The following INPP4B variants were observed in gnomAD, a reference collection of about 807,000 sequenced individuals.
INPP4B encodes inositol polyphosphate 4-phosphatase type II.
Under a neutral mutation model 122.5 loss-of-function variants are expected in INPP4B, and 55 were observed. The observed-to-expected ratio is 0.45, with a 90% CI of 0.36 to 0.56. The LOEUF (loss-of-function observed/expected upper bound fraction) is 0.56, where lower values mean the gene tolerates loss of function less well. INPP4B is among the 20% of genes least tolerant of loss of function. The pLI is 0.00. For synonymous variants in INPP4B, 403 were observed against 388.7 expected (o/e 1.04, Z -0.43); for missense variants, 1,000 against 1,097.7 (o/e 0.91, Z 1.26).
intron 2 of INPP4B, among the ~76,000 whole-genome samples, chr4:142,568,313 T>A (rs1732087728): frequency 1.3e-5 from 2 of 151,932 alleles, no homozygotes; most frequent in South Asian, 4.2e-4. Flanking sequence ...ACTTCATCAC[T>A]TCTGGTAACT....
intron 2 of INPP4B, among the ~76,000 whole-genome samples, chr4:142,721,593 C>T (rs190780513): frequency 2.0e-3 from 304 of 152,164 alleles, no homozygotes; most frequent in African/African-American, 6.9e-3. Flanking sequence ...GAGGCCGAGG[C>T]GGGTGGATCA....
intron 10 of INPP4B, among the ~76,000 whole-genome samples, chr4:142,265,048 G>C (rs1241925326): frequency 1.3e-5 from 2 of 151,674 alleles, no homozygotes; most frequent in African/African-American, 4.9e-5. Context: ...GACCATCTGA[G>C]AAGGTAGCAA....
intron 1 of INPP4B, among the ~76,000 whole-genome samples, chr4:142,729,905 C>T (rs535495302): frequency 7.6e-4 from 116 of 152,298 alleles, no homozygotes; most frequent in African/African-American, 2.6e-3. Context: ...CTTTACTTTG[C>T]TGTACCATAA....
At chr4:142,044,357 A>G (rs977594207) in intron 25 of INPP4B, among the ~76,000 whole-genome samples, 17 of 152,138 alleles carry the variant, frequency 1.1e-4, no homozygotes, top group African/African-American at 3.9e-4. Flanking sequence ...GGCAGATAGT[A>G]AGGAGTGACA....
At chr4:142,564,878 C>T (rs1000122031) in intron 2 of INPP4B, among the ~76,000 whole-genome samples, 1 of 152,024 alleles carries the variant, frequency 6.6e-6, no homozygotes, top group African/African-American at 2.4e-5. Context: ...TTTCTTAAAT[C>T]AGTCTCTGGT....
intron 11 of INPP4B, among the ~76,000 whole-genome samples, chr4:142,251,037 T>C (rs1245637822): frequency 1.3e-5 from 2 of 152,216 alleles, no homozygotes; most frequent in African/African-American, 2.4e-5. Context: ...CCAACACTTA[T>C]GCCTTACAGA....
At chr4:142,255,274 G>A (rs1302056928) in intron 11 of INPP4B, among the ~76,000 whole-genome samples, 1 of 151,958 alleles carries the variant, frequency 6.6e-6, no homozygotes, top group Non-Finnish European at 1.5e-5. Context: ...AGACCATCGA[G>A]ACTAGGAAAG....
At chr4:142,842,284 A>C (rs1488851047) in intron 1 of INPP4B, among the ~76,000 whole-genome samples, 2 of 151,572 alleles carry the variant, frequency 1.3e-5, no homozygotes, top group Non-Finnish European at 3.0e-5. Context: ...ACTCAGTTTG[A>C]AATATATTAT....
Position 142,562,634 on chromosome 4 carries a change from A to AAC in INPP4B, c.-190-99909_-190-99908insGT, listed in dbSNP as rs574729044. On this transcript the variant is annotated intron_variant, in intron 2 of 25. Transcript: ENST00000262992. Reference sequence around the variant, plus strand: ...TGAAAACAAAATTGTCCAGTTCCCAACAGGTTGCACAAAACCCATTTTGTG... The same window carrying AAC: ...TGAAAACAAAATTGTCCAGTTCCCAAACCAGGTTGCACAAAACCCATTTTGTG... Among the ~76,000 whole-genome samples, 531 of 152,262 alleles carry AAC rather than the reference A, an allele frequency of 3.5e-3. 3 individuals are homozygous for AAC. The highest frequency in any genetic ancestry group is 6.8e-3 in the Middle Eastern group (2 of 294).
intron 2 of INPP4B, among the ~76,000 whole-genome samples, chr4:142,523,617 T>C (rs1354996877): frequency 6.6e-6 from 1 of 152,138 alleles, no homozygotes; most frequent in Non-Finnish European, 1.5e-5. Flanking sequence ...GCTCTCCTCC[T>C]GCTTTTAGCT....
At chr4:142,049,313 T>C (rs1024460624) in intron 25 of INPP4B, among the ~76,000 whole-genome samples, 1 of 152,090 alleles carries the variant, frequency 6.6e-6, no homozygotes, top group African/African-American at 2.4e-5. Flanking sequence ...TTTTGTTCTA[T>C]GTAAATTTGT....
intron 2 of INPP4B, among the ~76,000 whole-genome samples, chr4:142,476,998 T>G (rs935355504): frequency 1.3e-5 from 2 of 152,094 alleles, no homozygotes; most frequent in Non-Finnish European, 2.9e-5. Flanking sequence ...CAAAACATTC[T>G]TCTCATCGGA....
intron 2 of INPP4B, among the ~76,000 whole-genome samples, chr4:142,607,845 G>A (rs1201904710): frequency 6.6e-6 from 1 of 152,062 alleles, no homozygotes; most frequent in African/African-American, 2.4e-5. Context: ...GAAAAGACAA[G>A]ACCTTTCCAC....
chr4:142,824,314 A>ATCTATCTCTATCTCTATCTCTATC (rs151098085), intron 1 of INPP4B, among the ~76,000 whole-genome samples: 14 of 150,736 alleles, frequency 9.3e-5, no homozygotes, highest in African/African-American at 3.2e-4. Context: ...CTGTCTATCT[A>ATCTATCTCTATCTCTATCTCTATC]TCTATCTCTA....
chr4:142,575,128 CT>C, intron 2 of INPP4B, among the ~76,000 whole-genome samples: 1 of 151,818 alleles, frequency 6.6e-6, no homozygotes, highest in African/African-American at 2.4e-5. Context: ...TATGGTTGAC[CT>C]TAGGAAATGT....
intron 2 of INPP4B, among the ~76,000 whole-genome samples, chr4:142,593,364 G>A (rs918234500): frequency 1.3e-5 from 2 of 152,010 alleles, no homozygotes; most frequent in Non-Finnish European, 2.9e-5. Flanking sequence ...TTATACTTCT[G>A]TTCTTTAACC....
intron 16 of INPP4B, among the ~76,000 whole-genome samples, chr4:142,166,990 C>T (rs910893764): frequency 1.3e-4 from 19 of 151,730 alleles, no homozygotes; most frequent in Non-Finnish European, 2.7e-4. Context: ...GTGGCAATTA[C>T]TCAAAGACCT....
chr4:142,724,294 C>A (rs1765067064), intron 2 of INPP4B, among the ~76,000 whole-genome samples: 1 of 152,108 alleles, frequency 6.6e-6, no homozygotes, highest in South Asian at 2.1e-4. Context: ...GAAAAATTCA[C>A]ATAAATGCAA....
intron 9 of INPP4B, among the ~76,000 whole-genome samples, chr4:142,289,310 T>C (rs867445973): frequency 3.9e-5 from 6 of 152,356 alleles, no homozygotes; most frequent in Non-Finnish European, 5.9e-5. Context: ...ATTAATTCAT[T>C]CTTACAAACT....
Sources: allele counts gnomAD v4.1 joint callset (sites outside exome capture counted in the v4.1 genomes callset), GRCh38; gene constraint gnomAD v4.1.1; transcripts MANE v1.5; gene names NCBI Gene and HGNC (gene_info 2026-07-23, HGNC 2026-07-21).